HRH1: variants seen among roughly 807,000 people sequenced by gnomAD.
HRH1 encodes the protein histamine receptor H1.
Under a neutral mutation model 10.3 loss-of-function variants are expected in HRH1, and 6 were observed. That is an observed-to-expected ratio of 0.58 (90% CI 0.32 to 1.15). The LOEUF is 1.15. Ranked by LOEUF, HRH1 falls within the 50% of genes most tolerant of loss-of-function variation. The pLI, the probability that HRH1 is intolerant of heterozygous loss-of-function variation, is 0.05. For synonymous variants in HRH1, 242 were observed against 236.7 expected (o/e 1.02, Z -0.21); for missense variants, 514 against 615.3 (o/e 0.84, Z 1.74).
Position 11,259,733 on chromosome 3 carries a change from T to C in HRH1, c.696T>C (p.Pro232=), listed in dbSNP as rs1939888918. ...QHRELINRSL[P]SFSEIKLRPE... ...GGGAGCTCATCAATAGGTCCCTCCC[T>C]TCCTTCTCAGAAATTAAGCTGAGGC... is the stretch of plus-strand genomic sequence containing the variant. The change falls in exon 2 of 2, where the codon CCT becomes CCC. Residue 232 remains proline (P), a synonymous_variant. Transcript: ENST00000431010. The surrounding 1 kb of genome is among the most constrained non-coding windows in gnomAD (Gnocchi z 4.6). 6.2e-7 allele frequency: 1 copy of C among 1,613,932 alleles called. No individual in the cohort carries two copies. Among genetic ancestry groups the C allele is most frequent in the African/African-American group, 1.3e-5 (1 of 74,922 alleles).
At chr3:11,209,387 A>C (rs986571062) in intron 1 of HRH1, among the ~76,000 whole-genome samples, 4 of 152,222 alleles carry the variant, frequency 2.6e-5, no homozygotes, top group Non-Finnish European at 5.9e-5. Flanking sequence ...GATTATGGGC[A>C]TGAGCCACCG....
At chr3:11,185,808 G>A (rs1430748396) in intron 1 of HRH1, among the ~76,000 whole-genome samples, 4 of 151,932 alleles carry the variant, frequency 2.6e-5, no homozygotes, top group Non-Finnish European at 5.9e-5. Context: ...GGTGGGGTGG[G>A]GCCTGTTATT....
rs752760430 is a variant in HRH1 at position 11,260,104 on chromosome 3, A to G, written c.1067A>G (p.Gln356Arg). 3.1e-6 allele frequency: 5 copies of G among 1,613,970 alleles called. No individual in the cohort carries two copies. The Admixed American group carries it at 8.3e-5, about 27-fold the overall frequency. The stretch of plus-strand genomic sequence containing the variant: ...GAGGATCAGATGTTAGGTGATAGCC[A>G]ATCCTTCTCTCGAACGGACTCAGAT... The part of the protein sequence containing the change: ...ISEDQMLGDS[Q>R]SFSRTDSDTT... The change falls in exon 2 of 2, where the codon CAA (glutamine) becomes CGA (arginine). Residue 356 changes from glutamine to arginine, a missense_variant. Transcript: ENST00000431010.
At chr3:11,249,360 G>A (rs139522096) in intron 1 of HRH1, among the ~76,000 whole-genome samples, 2,786 of 146,144 alleles carry the variant, frequency 0.019, 46 homozygotes, top group East Asian at 0.085. Context: ...CCGAGATCGC[G>A]CCACTGCACT....
chr3:11,143,160 CTTCTAAGTGGGGTGT>C (rs1415442758), intron 1 of HRH1, among the ~76,000 whole-genome samples: 20 of 152,168 alleles, frequency 1.3e-4, no homozygotes, highest in African/African-American at 4.6e-4. Context: ...TGTGGAGTTG[CTTCTAAGTGGGGTGT>C]TTCTAAGTGG....
At chr3:11,255,555 C>A (rs1404668274) in intron 1 of HRH1, among the ~76,000 whole-genome samples, 5 of 152,192 alleles carry the variant, frequency 3.3e-5, no homozygotes, top group African/African-American at 1.2e-4. Flanking sequence ...GGACGCACAC[C>A]CATGACACAG....
intron 1 of HRH1, among the ~76,000 whole-genome samples, chr3:11,183,879 T>TA (rs1553571023): frequency 2.9e-5 from 4 of 137,480 alleles, no homozygotes; most frequent in Admixed American, 8.0e-5. Flanking sequence ...TTTTTTTTTT[T>TA]AAAGCACTGG....
At chr3:11,157,494 G>A (rs1006919575) in intron 1 of HRH1, among the ~76,000 whole-genome samples, 8 of 152,134 alleles carry the variant, frequency 5.3e-5, no homozygotes, top group Admixed American at 3.9e-4. Flanking sequence ...TCTGAATCTC[G>A]GGATGTAATT....
Position 11,263,257 on chromosome 3 carries a change from G to A in HRH1, c.*2756G>A, listed in dbSNP as rs1940003808. ...TAATAAATTGGTCATTTGGCTACTTGGCTTGTGGACAATCTCTGACCTCTT... is the reference window on the plus strand; with the variant it reads ...TAATAAATTGGTCATTTGGCTACTTAGCTTGTGGACAATCTCTGACCTCTT... On this transcript the variant is annotated 3_prime_UTR_variant, in exon 2 of 2. Coordinates refer to ENST00000431010, the MANE Select transcript of HRH1 (RefSeq NM_001098212.2). 6.0e-6 allele frequency: 1 copy of A among 167,080 alleles called. No homozygotes were observed. The highest frequency in any genetic ancestry group is 1.5e-5 in the Non-Finnish European group (1 of 68,130). 10.3% of individuals were successfully genotyped at this position (167,080 alleles called of 1,614,324 possible).
At chr3:11,148,180 C>CAAAAAAAA (rs58792725) in intron 1 of HRH1, among the ~76,000 whole-genome samples, 4 of 85,964 alleles carry the variant, frequency 4.7e-5, no homozygotes, top group East Asian at 3.0e-4. Context: ...CTCTGTCAAA[C>CAAAAAAAA]AAAAAAAAAA....
At chr3:11,152,239 A>T (rs1936648450), upstream of HRH1, among the ~76,000 whole-genome samples, 1 of 152,198 alleles carries the variant, frequency 6.6e-6, no homozygotes, top group Non-Finnish European at 1.5e-5. Flanking sequence ...AGCCTGACAC[A>T]CAGTATGCAG....
chr3:11,198,864 C>T (rs1248808074), intron 1 of HRH1, among the ~76,000 whole-genome samples: 1 of 151,570 alleles, frequency 6.6e-6, no homozygotes, highest in African/African-American at 2.4e-5. Context: ...TTTTTGAACC[C>T]CACACCACCC....
Position 11,236,619 on chromosome 3 carries a change from A to G in HRH1, c.-35-22384A>G, listed in dbSNP as rs117447506. On this transcript the variant is annotated intron_variant, in intron 1 of 1. Coordinates refer to ENST00000431010, the MANE Select transcript of HRH1 (RefSeq NM_001098212.2). Reference sequence around the variant, plus strand: ...GAAGGAAGGGAGAATGAATGGATAGATAGATGAATGAATAAATGAATCATC... The same window carrying G: ...GAAGGAAGGGAGAATGAATGGATAGGTAGATGAATGAATAAATGAATCATC... 1.0e-3 allele frequency among the ~76,000 whole-genome samples: 159 copies of G among 152,350 alleles called. 5 individuals carry two copies. The East Asian group carries it at 0.017, about 16-fold the overall frequency.
chr3:11,238,250 G>A (rs1159435143), intron 1 of HRH1, among the ~76,000 whole-genome samples: 3 of 152,160 alleles, frequency 2.0e-5, no homozygotes, highest in Non-Finnish European at 4.4e-5. Context: ...GTTTGATGTA[G>A]CTCAGTCATT....
intron 1 of HRH1, among the ~76,000 whole-genome samples, chr3:11,164,895 A>G (rs1018993305): frequency 1.3e-5 from 2 of 152,190 alleles, no homozygotes; most frequent in African/African-American, 2.4e-5. Context: ...TGCTTGCCAC[A>G]CCCAACAGGG....
At chr3:11,238,036 C>CTTTG (rs34450745) in intron 1 of HRH1, among the ~76,000 whole-genome samples, 36,644 of 150,626 alleles carry the variant, frequency 0.24, 4,980 homozygotes, top group Non-Finnish European at 0.31. Flanking sequence ...TTAATGCTGC[C>CTTTG]TTTGTTTGTT....
At chr3:11,147,683 A>G (rs546447448) in intron 1 of HRH1, among the ~76,000 whole-genome samples, 1 of 152,310 alleles carries the variant, frequency 6.6e-6, no homozygotes, top group East Asian at 1.9e-4. Context: ...CTTTACATGT[A>G]TTAACTCGTA....
chr3:11,199,499 T>C (rs1937815746), intron 1 of HRH1, among the ~76,000 whole-genome samples: 1 of 152,164 alleles, frequency 6.6e-6, no homozygotes, highest in Admixed American at 6.5e-5. Context: ...AAGCCTTTCC[T>C]GCACACATCC....
chr3:11,218,942 G>C (rs1319067026), intron 1 of HRH1, among the ~76,000 whole-genome samples: 1 of 152,118 alleles, frequency 6.6e-6, no homozygotes, highest in East Asian at 1.9e-4. Context: ...CCAGGCTGGA[G>C]TGCCGTGGCG....
Sources: gnomAD v4.1 joint callset for allele counts (sites outside exome capture counted in the v4.1 genomes callset) on GRCh38, gnomAD v4.1.1 for gene constraint, Gnocchi (gnomAD v3.1) non-coding constraint, MANE v1.5 for transcripts, NCBI Gene and HGNC (gene_info 2026-07-23, HGNC 2026-07-21) for gene names.